The following WWOX variants were observed in gnomAD, a reference collection of about 807,000 sequenced individuals.
The protein encoded by WWOX is WW domain-containing oxidoreductase.
Under a neutral mutation model 46.2 loss-of-function variants are expected in WWOX, and 69 were observed. The ratio of observed to expected loss-of-function variants is 1.49; its 90% CI spans 1.23 to 1.82. The LOEUF (loss-of-function observed/expected upper bound fraction) is 1.82, where lower values mean the gene tolerates loss of function less well. WWOX is among the 40% of genes most tolerant of loss of function. The probability of loss-of-function intolerance (pLI) is 0.00; values close to 1 mark genes in which losing one functional copy is unlikely to be tolerated. For missense variants in WWOX, 919 were observed against 542.6 expected, an observed-to-expected ratio of 1.69 and a Z score of -6.89; for synonymous variants, 359 against 202.6, an observed-to-expected ratio of 1.77 and a Z score of -6.56.
rs140056205 is a variant in WWOX at position 79,030,569 on chromosome 16, G to A, written c.1057-181039G>A. Among the ~76,000 whole-genome samples the A allele has an allele frequency of 2.0e-5, 3 of 152,264 alleles. No individual in the cohort carries two copies. The East Asian group carries it at 5.8e-4, about 29-fold the overall frequency. On this transcript the variant is annotated intron_variant, in intron 8 of 8. Transcript: ENST00000566780. The stretch of plus-strand genomic sequence containing the variant: ...AGCTTGCTGTACCGACTCATATGAG[G>A]GCTGTCTTGGTCCGTCTCATTTAAG...
intron 8 of WWOX, among the ~76,000 whole-genome samples, chr16:78,904,574 T>C (rs2044912510): frequency 6.6e-6 from 1 of 152,088 alleles, no homozygotes; most frequent in Non-Finnish European, 1.5e-5. Context: ...TCACTGGAAA[T>C]GTAAACCCTC....
At chr16:78,739,077 C>T (rs1180382631) in intron 8 of WWOX, among the ~76,000 whole-genome samples, 1 of 152,134 alleles carries the variant, frequency 6.6e-6, no homozygotes, top group Non-Finnish European at 1.5e-5. Flanking sequence ...ATAGAGGGTT[C>T]CTCACTGTGC....
At chr16:78,899,216 T>G (rs909259792) in intron 8 of WWOX, 2 of 152,188 alleles carry the variant, frequency 1.3e-5, no homozygotes, top group African/African-American at 4.8e-5. Context: ...TACCTATACT[T>G]CATTAGATTA....
In WWOX at chr16:78,388,388, T is replaced by A. The variant is rs4309409; in HGVS notation, c.605+1440T>A. 0.011 allele frequency among the ~76,000 whole-genome samples: 1,642 copies of A among 152,276 alleles called. 67 individuals are homozygous for A. In the East Asian group the frequency reaches 0.14, roughly 13 times the overall value. ...TCAGCTGGGTGCAGTGGCTTATGCCTGTAATCCCAGCAGTTTGGGAGGCCA... is the reference window on the plus strand; with the variant it reads ...TCAGCTGGGTGCAGTGGCTTATGCCAGTAATCCCAGCAGTTTGGGAGGCCA... On this transcript the variant is annotated intron_variant, in intron 6 of 8. Transcript: ENST00000566780.
intron 6 of WWOX, among the ~76,000 whole-genome samples, chr16:78,395,094 C>A (rs554991575): frequency 5.9e-5 from 9 of 152,254 alleles, no homozygotes; most frequent in African/African-American, 2.2e-4. Flanking sequence ...TCATCTTGAT[C>A]GTAAAATGAT....
Position 78,614,645 on chromosome 16 carries a change from C to A in WWOX, c.1056+181893C>A, listed in dbSNP as rs186881023. On this transcript the variant is annotated intron_variant, in intron 8 of 8. Transcript: ENST00000566780. ...GTGTATGGCAGATGAGGGACCACCCCCTCCACCTTAGTCCAGTTACAGGGC... is the reference window on the plus strand; with the variant it reads ...GTGTATGGCAGATGAGGGACCACCCACTCCACCTTAGTCCAGTTACAGGGC... Among the ~76,000 whole-genome samples, 255 of 152,302 alleles carry A rather than the reference C, an allele frequency of 1.7e-3. 1 individual carries two copies. The highest frequency in any genetic ancestry group is 5.9e-3 in the African/African-American group (244 of 41,566).
At chr16:78,745,896 G>C (rs1390007151) in intron 8 of WWOX, among the ~76,000 whole-genome samples, 3 of 152,012 alleles carry the variant, frequency 2.0e-5, no homozygotes, top group Non-Finnish European at 2.9e-5. Flanking sequence ...CTAGGAACGT[G>C]TGCATGCCAG....
intron 8 of WWOX, among the ~76,000 whole-genome samples, chr16:78,623,921 C>T (rs1419637745): frequency 2.0e-5 from 3 of 152,088 alleles, no homozygotes; most frequent in Admixed American, 6.5e-5. Flanking sequence ...CTCATGTGAC[C>T]AGAATGTGGC....
intron 5 of WWOX, among the ~76,000 whole-genome samples, chr16:78,194,639 C>T (rs368407530): frequency 2.0e-5 from 3 of 151,522 alleles, no homozygotes; most frequent in Admixed American, 1.3e-4. Context: ...TCTGGCCTCT[C>T]TTAAAAATAT....
intron 5 of WWOX, among the ~76,000 whole-genome samples, chr16:78,193,707 CAAG>C (rs913392973): frequency 1.3e-5 from 2 of 152,022 alleles, no homozygotes; most frequent in Non-Finnish European, 2.9e-5. Flanking sequence ...TAGATGCTTA[CAAG>C]AAGAAGGGTA....
At chr16:78,438,764 G>C (rs769309838) in intron 8 of WWOX, among the ~76,000 whole-genome samples, 10 of 152,106 alleles carry the variant, frequency 6.6e-5, no homozygotes, top group Admixed American at 1.3e-4. Context: ...TCCTGTGCCC[G>C]TGTAAAGCCA....
chr16:78,636,902 G>A (rs1048993261), intron 8 of WWOX, among the ~76,000 whole-genome samples: 4 of 152,164 alleles, frequency 2.6e-5, no homozygotes, highest in African/African-American at 4.8e-5. Context: ...CAATCTGAGG[G>A]CCTGTGCATT....
chr16:79,101,872 T>TTC (rs2049203634), intron 8 of WWOX: 1 of 151,078 alleles, frequency 6.6e-6, no homozygotes, highest in African/African-American at 2.4e-5. Flanking sequence ...TACAGCGTTT[T>TTC]GGAGAGAGTG....
chr16:78,591,540 A>G (rs182757498), intron 8 of WWOX, among the ~76,000 whole-genome samples: 232 of 152,302 alleles, frequency 1.5e-3, no homozygotes, highest in Middle Eastern at 0.014. Context: ...TGGTAGACAG[A>G]TAACAATGTT....
intron 7 of WWOX, among the ~76,000 whole-genome samples, chr16:78,431,441 T>G (rs893307109): frequency 5.3e-5 from 8 of 152,170 alleles, no homozygotes; most frequent in African/African-American, 1.9e-4. Context: ...AATGAAAATA[T>G]ACAGGACTCA....
At chr16:78,718,684 G>A (rs1344524080) in intron 8 of WWOX, among the ~76,000 whole-genome samples, 1 of 152,036 alleles carries the variant, frequency 6.6e-6, no homozygotes, top group African/African-American at 2.4e-5. Context: ...CTCCAGCCTG[G>A]CCAACATAGT....
chr16:78,661,901 G>T (rs899260399), intron 8 of WWOX, among the ~76,000 whole-genome samples: 1 of 152,188 alleles, frequency 6.6e-6, no homozygotes, highest in African/African-American at 2.4e-5. Flanking sequence ...AAAATCAGCT[G>T]GGCGTGGTGA....
At chr16:78,844,541 T>C (rs1264186352) in intron 8 of WWOX, among the ~76,000 whole-genome samples, 1 of 151,868 alleles carries the variant, frequency 6.6e-6, no homozygotes, top group East Asian at 1.9e-4. Context: ...AGATAAACAA[T>C]GGGAAATGAT....
At chr16:79,067,071 G>T (rs1361737197) in intron 8 of WWOX, among the ~76,000 whole-genome samples, 5 of 152,146 alleles carry the variant, frequency 3.3e-5, no homozygotes, top group Non-Finnish European at 7.4e-5. Context: ...TAAGAAGGTG[G>T]TTATTAGTGA....
Sources: allele counts gnomAD v4.1 joint callset (sites outside exome capture counted in the v4.1 genomes callset), GRCh38; gene constraint gnomAD v4.1.1; transcripts MANE v1.5; gene names NCBI Gene and HGNC (gene_info 2026-07-23, HGNC 2026-07-21).